The following SLC22A24 variants were observed in gnomAD, a reference collection of about 807,000 sequenced individuals.
The protein encoded by SLC22A24 is steroid transmembrane transporter SLC22A24.
Under a neutral mutation model 49.8 loss-of-function variants are expected in SLC22A24, and 53 were observed. That is an observed-to-expected ratio of 1.06 (90% CI 0.85 to 1.34). The LOEUF is 1.34. Among genes scored for constraint, SLC22A24 ranks in the 40% most tolerant of loss-of-function variants. The pLI is 0.00. For missense variants in SLC22A24, 786 were observed against 675.9 expected, an observed-to-expected ratio of 1.16 and a Z score of -1.81; for synonymous variants, 302 against 256.4, an observed-to-expected ratio of 1.18 and a Z score of -1.70.
rs1390517444 is a variant in SLC22A24 at position 63,081,108 on chromosome 11, T to C, written c.1410A>G (p.Gly470=). Reference sequence around the variant, plus strand: ...CAGTCCTACCGGACACTGCATTGATTCCTGCAACTGTTGACCTTAGAGTGC... The same window carrying C: ...CAGTCCTACCGGACACTGCATTGATCCCTGCAACTGTTGACCTTAGAGTGC... ...VPTILRSTVA[G]INAVSGRTGA... is the part of the protein sequence containing the mutation. Residue 470 remains glycine (G), a synonymous_variant, in exon 9 of 10, where the codon GGA becomes GGG. Transcript: ENST00000612278. 2.1e-5 allele frequency: 32 copies of C among 1,551,432 alleles called. No homozygotes were observed. Among genetic ancestry groups the C allele is most frequent in the Non-Finnish European group, 2.5e-5 (29 of 1,146,850 alleles).
At chr11:63,140,493 T>G (rs1256357555) in intron 1 of SLC22A24, among the ~76,000 whole-genome samples, 1 of 152,206 alleles carries the variant, frequency 6.6e-6, no homozygotes, top group Non-Finnish European at 1.5e-5. Context: ...TCAAACTGTT[T>G]CCTTGACCTT....
Position 63,081,639 on chromosome 11 carries a change from G to A in SLC22A24, c.1313C>T (p.Ala438Val), listed in dbSNP as rs140872207. 9 of 1,551,356 alleles carry A rather than the reference G, an allele frequency of 5.8e-6. No homozygotes were observed. The highest frequency in any genetic ancestry group is 7.8e-6 in the Non-Finnish European group (9 of 1,146,708). ...AGAAACACTACCAATTCCCAAAGTT[G>A]CTAAAACCACACGCAGGATCTGCAT... ...QEMQILRVVL[A>V]TLGIGSVSAA... The change falls in exon 8 of 10, where the codon GCA becomes GTA. Residue 438 changes from alanine to valine, a missense_variant. By Grantham distance (64) the Ala-to-Val change is moderately conservative (BLOSUM62 0). Coordinates refer to ENST00000612278, the MANE Select transcript of SLC22A24 (RefSeq NM_001136506.2).
chr11:63,111,251 C>G (rs1285640028), intron 4 of SLC22A24, among the ~76,000 whole-genome samples: 1 of 151,544 alleles, frequency 6.6e-6, no homozygotes, highest in African/African-American at 2.4e-5. Flanking sequence ...TTCGGTTTGC[C>G]AGTATTTTAT....
At chr11:63,098,887 A>T (rs2087071917) in intron 5 of SLC22A24, among the ~76,000 whole-genome samples, 1 of 152,162 alleles carries the variant, frequency 6.6e-6, no homozygotes, top group African/African-American at 2.4e-5. Context: ...GGCTAAGAAA[A>T]AAGAGAGAAG....
At chr11:63,114,845 G>A (rs531759982) in intron 4 of SLC22A24, among the ~76,000 whole-genome samples, 1 of 152,194 alleles carries the variant, frequency 6.6e-6, no homozygotes, top group Non-Finnish European at 1.5e-5. Flanking sequence ...GAGTTTGCTG[G>A]AGGTCCACTC....
Position 63,140,075 on chromosome 11 carries a change from G to GT in SLC22A24, c.402+3302dup, listed in dbSNP as rs1554964301. Among the ~76,000 whole-genome samples, 481 of 85,720 alleles carry GT rather than the reference G, an allele frequency of 5.6e-3. 2 individuals are homozygous for GT. The highest frequency in any genetic ancestry group is 0.015 in the African/African-American group (414 of 27,270). The allele number at this position is 85,720 out of a possible 152,430, so 56.2% of individuals were successfully genotyped here. A position where few individuals can be genotyped will look rare whatever the true frequency, so the allele number is the denominator to read the frequency against. On this transcript the variant is annotated intron_variant, in intron 1 of 9. Transcript: ENST00000612278. ...ATAGAGACAGTTTTTTTGTTTTTTT[G>GT]TTTTTTTTTTTTGTTTTTTTTTTTT...
intron 2 of SLC22A24, among the ~76,000 whole-genome samples, chr11:63,120,609 G>T (rs531892496): frequency 6.6e-6 from 1 of 152,158 alleles, no homozygotes; most frequent in East Asian, 1.9e-4. Flanking sequence ...AGCAGTATGT[G>T]TGTCACAGAC....
chr11:63,124,044 A>G (rs2087271135), intron 2 of SLC22A24, among the ~76,000 whole-genome samples: 1 of 152,154 alleles, frequency 6.6e-6, no homozygotes, highest in African/African-American at 2.4e-5. Flanking sequence ...TGAAATTTAA[A>G]TTTGAGTAAA....
chr11:63,081,787 A>C (rs2086961790), intron 7 of SLC22A24, 121 bp from the exon 8 acceptor site: 3 of 684,420 alleles, frequency 4.4e-6, no homozygotes, highest in Non-Finnish European at 7.9e-6. Context: ...GACAAACTGC[A>C]ACATGCCAGA....
At chr11:63,083,085 T>C (rs1398011682) in intron 7 of SLC22A24, among the ~76,000 whole-genome samples, 158 bp downstream of exon 7, 1 of 152,172 alleles carries the variant, frequency 6.6e-6, no homozygotes, top group Non-Finnish European at 1.5e-5. Flanking sequence ...GAAAACAACA[T>C]ATTGTCAGAA....
At chr11:63,082,445 C>T (rs929838338) in intron 7 of SLC22A24, among the ~76,000 whole-genome samples, 1 of 152,134 alleles carries the variant, frequency 6.6e-6, no homozygotes, top group Non-Finnish European at 1.5e-5. Context: ...GGCATGGAGC[C>T]CACCAGTCTG....
intron 4 of SLC22A24, among the ~76,000 whole-genome samples, chr11:63,110,663 G>A (rs536163462): frequency 0.022 from 2,985 of 133,952 alleles, 112 homozygotes; most frequent in African/African-American, 0.077. Context: ...TGTTGTTGGT[G>A]TATAAGAATG....
At chr11:63,095,448 A>G (rs1241859441) in intron 6 of SLC22A24, among the ~76,000 whole-genome samples, 1 of 152,214 alleles carries the variant, frequency 6.6e-6, no homozygotes, top group East Asian at 1.9e-4. Context: ...TCACATATTT[A>G]AAGGTACACA....
At chr11:63,127,998 C>T (rs1270490203) in intron 2 of SLC22A24, among the ~76,000 whole-genome samples, 1 of 146,842 alleles carries the variant, frequency 6.8e-6, no homozygotes, top group Non-Finnish European at 1.5e-5. Context: ...CACCCAGGCA[C>T]CGACGCAAGA....
intron 2 of SLC22A24, among the ~76,000 whole-genome samples, chr11:63,133,866 A>T (rs533309288): frequency 1.4e-4 from 22 of 152,196 alleles, no homozygotes; most frequent in Non-Finnish European, 3.1e-4. Flanking sequence ...GCTGGTCTCA[A>T]ACTCCTTACC....
At chr11:63,140,819 T>A (rs1264185205) in intron 1 of SLC22A24, among the ~76,000 whole-genome samples, 1 of 152,204 alleles carries the variant, frequency 6.6e-6, no homozygotes, top group African/African-American at 2.4e-5. Context: ...ATGGCTTTTG[T>A]TAAAGGGAAT....
chr11:63,120,857 G>T (rs2087246978), intron 2 of SLC22A24, among the ~76,000 whole-genome samples: 1 of 151,984 alleles, frequency 6.6e-6, no homozygotes. Context: ...ACTTAGAATA[G>T]AATTATCTTT....
chr11:63,131,683 C>T (rs1313285318), intron 2 of SLC22A24, among the ~76,000 whole-genome samples: 2 of 152,092 alleles, frequency 1.3e-5, no homozygotes, highest in Non-Finnish European at 2.9e-5. Flanking sequence ...GTGGGTAACC[C>T]CACCTTCATC....
rs1481539139 is a variant in SLC22A24 at position 63,131,884 on chromosome 11, G to T, written c.506+2781C>A. ...CATCCTGAAGAGTATCTTCTAACTT[G>T]GTTCCATTTTCCCTGTCACTTTCAG... On this transcript the variant is annotated intron_variant, in intron 2 of 9. Transcript: ENST00000612278. 5.3e-5 allele frequency among the ~76,000 whole-genome samples: 8 copies of T among 152,214 alleles called. No homozygotes were observed. The East Asian group carries it at 1.5e-3, about 29-fold the overall frequency.
Sources: allele counts gnomAD v4.1 joint callset (sites outside exome capture counted in the v4.1 genomes callset), GRCh38; gene constraint gnomAD v4.1.1; transcripts MANE v1.5; gene names NCBI Gene and HGNC (gene_info 2026-07-23, HGNC 2026-07-21).